TBX15: variants seen among roughly 807,000 people sequenced by gnomAD.
TBX15 encodes the protein T-box transcription factor 15, also known as T-box transcription factor TBX15.
TBX15 carries 18 observed loss-of-function variants against 53.9 expected under a neutral mutation model. The ratio of observed to expected loss-of-function variants is 0.33; its 90% CI spans 0.23 to 0.49. The LOEUF is 0.49. Ranked by LOEUF, TBX15 falls within the 20% of genes least tolerant of loss-of-function variation. TBX15 has a pLI of 0.98. For missense variants in TBX15, 692 were observed against 749.5 expected (o/e 0.92, Z 0.90); for synonymous variants, 295 against 278.0 (o/e 1.06, Z -0.61).
chr1:118,926,109 G>T (rs79747857), intron 3 of TBX15, among the ~76,000 whole-genome samples: 1 of 152,038 alleles, frequency 6.6e-6, no homozygotes, highest in Admixed American at 6.5e-5. Context: ...TCTATGGGGC[G>T]ATCCATCAAA....
Position 118,899,014 on chromosome 1 carries a change from C to A in TBX15, c.1024+14G>T, listed in dbSNP as rs747795701. 6.2e-7 allele frequency: 1 copy of A among 1,613,014 alleles called. No individual in the cohort carries two copies. The highest frequency in any genetic ancestry group is 1.1e-5 in the South Asian group (1 of 91,032). ...GCCCTATCACTAAGCAGAGGCCTTG[C>A]TCCAGGGCTTTACCTTGCTGCTTCT... On this transcript the variant is annotated intron_variant, in intron 7 of 7. Coordinates refer to ENST00000369429, the MANE Select transcript of TBX15 (RefSeq NM_001330677.2).
At chr1:118,908,494 CT>C (rs1654916878) in intron 6 of TBX15, among the ~76,000 whole-genome samples, 1 of 152,120 alleles carries the variant, frequency 6.6e-6, no homozygotes, top group African/African-American at 2.4e-5. Context: ...GATATTGTGC[CT>C]GACAGCTACA....
At chr1:118,915,514 A>T (rs10802064) in intron 5 of TBX15, among the ~76,000 whole-genome samples, 12 of 152,064 alleles carry the variant, frequency 7.9e-5, no homozygotes, top group Admixed American at 2.0e-4. Context: ...ATTATGCAGC[A>T]CCAACAATGT....
chr1:118,960,977 C>T (rs570545342), intron 1 of TBX15, among the ~76,000 whole-genome samples: 4 of 152,270 alleles, frequency 2.6e-5, no homozygotes, highest in African/African-American at 9.6e-5. Context: ...GATCTGCAGG[C>T]AGCAGCAGTA....
intron 1 of TBX15, among the ~76,000 whole-genome samples, chr1:118,958,278 CTGTAAA>C (rs1235268275): frequency 3.3e-5 from 5 of 152,216 alleles, no homozygotes; most frequent in Admixed American, 3.3e-4. Flanking sequence ...GGATGGCCAT[CTGTAAA>C]TCAGGAAGAG....
chr1:118,956,711 G>A (rs1179595857), intron 1 of TBX15, among the ~76,000 whole-genome samples: 6 of 152,054 alleles, frequency 3.9e-5, no homozygotes, highest in African/African-American at 1.4e-4. Context: ...CCAGCACTTT[G>A]GGAGGCCGAA....
At chr1:118,909,084 A>T (rs533175758) in intron 6 of TBX15, among the ~76,000 whole-genome samples, 1 of 152,252 alleles carries the variant, frequency 6.6e-6, no homozygotes, top group East Asian at 1.9e-4. Context: ...AAGCAGGGAG[A>T]ACTACAATAG....
chr1:118,895,100 C>T (rs1387848263), intron 7 of TBX15, among the ~76,000 whole-genome samples: 17 of 152,102 alleles, frequency 1.1e-4, no homozygotes, highest in Non-Finnish European at 1.5e-4. Context: ...ATGACTTGAT[C>T]GGTAGCTGAT....
rs887570022 is a variant in TBX15, at chr1:118,987,792, T to C, written c.4A>G (p.Ser2Gly). ...GCGACTGCAGATCTTCTCCTTTCAC[T>C]CATTTTAGCCGCCCACACCCCTGCC... M[S>G]ERRRSAVALS... Residue 2 changes from serine to glycine, a missense_variant, in exon 1 of 8, where the codon AGT becomes GGT. Ser to Gly is a moderately conservative substitution (Grantham distance 56). Transcript: ENST00000369429. 21 of 1,549,432 alleles carry C rather than the reference T, an allele frequency of 1.4e-5. No homozygotes were observed. The highest frequency in any genetic ancestry group is 2.7e-5 in the African/African-American group (2 of 73,020).
At chr1:118,914,286 TA>T (rs1655116382) in intron 5 of TBX15, 107 bp from the exon 6 acceptor site, 2 of 1,068,962 alleles carry the variant, frequency 1.9e-6, no homozygotes, top group Non-Finnish European at 2.8e-6. Flanking sequence ...TTGTTGCTTT[TA>T]TTTAATTTCC....
Position 118,924,507 on chromosome 1 carries a change from T to G in TBX15, c.693+139A>C. 9.9e-6 allele frequency: 10 copies of G among 1,011,560 alleles called. No homozygotes were observed. In the South Asian group the frequency reaches 1.1e-4, roughly 11 times the overall value. The allele number at this position is 1,011,560 out of a possible 1,614,324, so 62.7% of individuals were successfully genotyped here. On this transcript the variant is annotated intron_variant, in intron 4 of 7. Coordinates refer to ENST00000369429, the MANE Select transcript of TBX15 (RefSeq NM_001330677.2). ...GGAATTTAACTGGAAAAAAACACTT[T>G]TATGCTTACTTACTTAAAATTACTT...
At chr1:118,980,982 ACC>A (rs1657627676) in intron 1 of TBX15, among the ~76,000 whole-genome samples, 2 of 152,054 alleles carry the variant, frequency 1.3e-5, no homozygotes, top group Non-Finnish European at 2.9e-5. Flanking sequence ...ACAGGCCCGC[ACC>A]ACCACACCTG....
chr1:118,893,169 G>A (rs930747623), intron 7 of TBX15, among the ~76,000 whole-genome samples: 2 of 151,486 alleles, frequency 1.3e-5, no homozygotes, highest in African/African-American at 4.9e-5. Flanking sequence ...AACCCAGGAG[G>A]CAGAGGTTAC....
At chr1:118,888,608 T>A (rs2101443218) in intron 7 of TBX15, among the ~76,000 whole-genome samples, 1 of 152,354 alleles carries the variant, frequency 6.6e-6, no homozygotes, top group African/African-American at 2.4e-5. Context: ...ATGGCACAAA[T>A]GGAGAAACCT....
intron 2 of TBX15, 91 bp downstream of exon 2, chr1:118,931,528 G>T (rs900386983): frequency 2.2e-6 from 3 of 1,384,390 alleles, no homozygotes; most frequent in African/African-American, 2.8e-5. Flanking sequence ...TTTTGTTGAT[G>T]CCATCACAAA....
chr1:118,958,177 G>C (rs1229199485), intron 1 of TBX15, among the ~76,000 whole-genome samples: 1 of 152,212 alleles, frequency 6.6e-6, no homozygotes, highest in Non-Finnish European at 1.5e-5. Context: ...ATTAGGATTA[G>C]ATGAAGTCAT....
chr1:118,980,877 G>A (rs1657623275), intron 1 of TBX15, among the ~76,000 whole-genome samples: 2 of 151,858 alleles, frequency 1.3e-5, no homozygotes, highest in South Asian at 2.1e-4. Context: ...CTGTCACCCA[G>A]GTTGGAGTGC....
chr1:118,942,716 T>C (rs993960155), intron 1 of TBX15, among the ~76,000 whole-genome samples: 1 of 152,220 alleles, frequency 6.6e-6, no homozygotes, highest in Non-Finnish European at 1.5e-5. Flanking sequence ...CAGTCACTTC[T>C]GTGAGAAGCA....
At chr1:118,910,311 G>A (rs1006031026) in intron 6 of TBX15, among the ~76,000 whole-genome samples, 8 of 152,152 alleles carry the variant, frequency 5.3e-5, no homozygotes, top group Non-Finnish European at 1.2e-4. Flanking sequence ...CGTATGTTTT[G>A]GGTACATTTA....
Sources: allele counts gnomAD v4.1 joint callset (sites outside exome capture counted in the v4.1 genomes callset), GRCh38; gene constraint gnomAD v4.1.1; transcripts MANE v1.5; gene names NCBI Gene and HGNC (gene_info 2026-07-23, HGNC 2026-07-21).